CRISPLD1: variants seen among roughly 807,000 people sequenced by gnomAD.
CRISPLD1 encodes the protein cysteine rich secretory protein LCCL domain containing 1.
In CRISPLD1, 60 loss-of-function variants were observed where a neutral mutation model predicts 77.5. That is an observed-to-expected ratio of 0.77 (90% CI 0.63 to 0.96). The LOEUF is 0.96. CRISPLD1 is among the 40% of genes least tolerant of loss of function. CRISPLD1 has a pLI of 0.00. For missense variants in CRISPLD1, 623 were observed against 615.8 expected (o/e 1.01, Z -0.12); for synonymous variants, 195 against 200.1 (o/e 0.97, Z 0.22).
chr8:75,008,593 C>G (rs1428513566), intron 2 of CRISPLD1, among the ~76,000 whole-genome samples: 9 of 152,094 alleles, frequency 5.9e-5, no homozygotes, highest in Non-Finnish European at 1.2e-4. Flanking sequence ...TAGATAATTA[C>G]TTTTAGTCAC....
chr8:75,025,253 C>G (rs956945277), intron 12 of CRISPLD1, among the ~76,000 whole-genome samples: 3 of 152,090 alleles, frequency 2.0e-5, no homozygotes, highest in Non-Finnish European at 4.4e-5. Context: ...CATTGGGTAC[C>G]AACTTCTCAG....
At chr8:75,007,071 C>T (rs1396656809) in intron 2 of CRISPLD1, among the ~76,000 whole-genome samples, 1 of 152,072 alleles carries the variant, frequency 6.6e-6, no homozygotes, top group Non-Finnish European at 1.5e-5. Context: ...TCAGAAAATA[C>T]TCTCTTCAGA....
At chr8:75,029,102 A>G (rs1301436593) in intron 13 of CRISPLD1, among the ~76,000 whole-genome samples, 4 of 152,224 alleles carry the variant, frequency 2.6e-5, no homozygotes, top group Non-Finnish European at 4.4e-5. Context: ...TTGATACTCT[A>G]AAGCCTACTG....
intron 2 of CRISPLD1, chr8:75,000,413 A>G (rs1290036849): frequency 2.2e-5 from 22 of 985,260 alleles, no homozygotes; most frequent in Non-Finnish European, 2.7e-5. Flanking sequence ...TGAATAAGTG[A>G]GTACAACCTG....
At chr8:74,995,764 A>AT (rs145389416) in intron 2 of CRISPLD1, among the ~76,000 whole-genome samples, 5,091 of 152,184 alleles carry the variant, frequency 0.033, 97 homozygotes, top group East Asian at 0.094. Context: ...TCTTTGCATA[A>AT]TTTTTTTGCA....
Position 75,033,463 on chromosome 8 carries a change from T to G in CRISPLD1, c.*1221T>G, listed in dbSNP as rs1813389024. The G allele has an allele frequency of 6.6e-6, 1 of 151,978 alleles. No homozygotes were observed. The highest frequency in any genetic ancestry group is 2.1e-4 in the South Asian group (1 of 4,836). The allele number at this position is 151,978 out of a possible 1,614,324, so 9.4% of individuals were successfully genotyped here. ...AAATCGACCTGATTATTTAGGTATT[T>G]GTATGTGAAAGAGAAACACATATTT... On this transcript the variant is annotated 3_prime_UTR_variant, in exon 15 of 15. Coordinates refer to ENST00000262207, the MANE Select transcript of CRISPLD1 (RefSeq NM_031461.6).
intron 13 of CRISPLD1, among the ~76,000 whole-genome samples, chr8:75,029,161 C>G: frequency 6.6e-6 from 1 of 152,124 alleles, no homozygotes; most frequent in Non-Finnish European, 1.5e-5. Flanking sequence ...GGGGTCTTAC[C>G]GTTGCAGTCA....
At chr8:75,028,713 A>G (rs1208096190) in intron 13 of CRISPLD1, among the ~76,000 whole-genome samples, 1 of 152,206 alleles carries the variant, frequency 6.6e-6, no homozygotes, top group Non-Finnish European at 1.5e-5. Context: ...GTGCAATGTA[A>G]TCATAGGACT....
At position 75,017,223 on chromosome 8, in the gene CRISPLD1, GTTTA is replaced by G. The variant is rs1813048001; in HGVS notation, c.997-92_997-89del. ...AAGTATAGATATTTTGCTCAGAAAT[GTTTA>G]TTTAATTGAAAGTCACATAAGTGGT... is the stretch of plus-strand genomic sequence containing the variant. On this transcript the variant is annotated intron_variant, in intron 9 of 14. Coordinates refer to ENST00000262207, the MANE Select transcript of CRISPLD1 (RefSeq NM_031461.6). The G allele has an allele frequency of 9.7e-6, 15 of 1,542,442 alleles. No homozygotes were observed. The South Asian group carries it at 1.5e-4, about 15-fold the overall frequency.
chr8:75,030,534 G>A lies in CRISPLD1; in HGVS notation c.1451+1017G>A, dbSNP rs114609725. Among the ~76,000 whole-genome samples the A allele has an allele frequency of 4.3e-3, 653 of 152,106 alleles. 3 individuals carry two copies. Among genetic ancestry groups the A allele is most frequent in the African/African-American group, 0.014 (601 of 41,508 alleles). On this transcript the variant is annotated intron_variant, in intron 14 of 14. Transcript: ENST00000262207. Reference sequence around the variant, plus strand: ...TAGATTTATTTTAAAACTATAAAACGATAGGTGATATCCTAATAAAACAGT... The same window carrying A: ...TAGATTTATTTTAAAACTATAAAACAATAGGTGATATCCTAATAAAACAGT...
chr8:74,986,552 T>G (rs1306494004), intron 2 of CRISPLD1, among the ~76,000 whole-genome samples: 1 of 152,216 alleles, frequency 6.6e-6, no homozygotes, highest in Non-Finnish European at 1.5e-5. Context: ...TTAATTGACT[T>G]AGCTGAAAAT....
intron 14 of CRISPLD1, 138 bp downstream of exon 14, chr8:75,029,655 C>A: frequency 1.3e-6 from 1 of 772,152 alleles, no homozygotes. Context: ...CCTTTGCACA[C>A]TTGTGTACCA....
chr8:74,997,503 G>C (rs1180779718), intron 2 of CRISPLD1, among the ~76,000 whole-genome samples: 1 of 152,174 alleles, frequency 6.6e-6, no homozygotes, highest in Non-Finnish European at 1.5e-5. Context: ...GTTATGTTTA[G>C]TGGTCAGTTG....
intron 2 of CRISPLD1, among the ~76,000 whole-genome samples, chr8:74,987,289 C>G (rs1241873992): frequency 6.6e-6 from 1 of 152,112 alleles, no homozygotes; most frequent in Non-Finnish European, 1.5e-5. Flanking sequence ...AGAGACTAAT[C>G]AGGGATTAAG....
At chr8:75,013,125 TA>T (rs928283958) in intron 4 of CRISPLD1, 103 bp downstream of exon 4, 46 of 906,534 alleles carry the variant, frequency 5.1e-5, no homozygotes, top group Admixed American at 1.0e-4. Context: ...ATATGGTTAT[TA>T]AAAAAATTTA....
Position 75,025,528 on chromosome 8 carries a change from A to C in CRISPLD1, c.1245-18A>C. 1 of 1,226,772 alleles carries C rather than the reference A, an allele frequency of 8.2e-7. No homozygotes were observed. Among genetic ancestry groups the C allele is most frequent in the Non-Finnish European group, 1.1e-6 (1 of 870,864 alleles). The allele number at this position is 1,226,772 out of a possible 1,614,324, so 76.0% of individuals were successfully genotyped here. ...AACCAGCTTACTTAATATATATATA[A>C]TATATTATTTTTTTCAGAGTATACT... is the stretch of plus-strand genomic sequence containing the variant. On this transcript the variant is annotated intron_variant, in intron 12 of 14. Coordinates refer to ENST00000262207, the MANE Select transcript of CRISPLD1 (RefSeq NM_031461.6).
At chr8:75,017,825 T>G (rs987201295) in intron 10 of CRISPLD1, among the ~76,000 whole-genome samples, 1 of 152,198 alleles carries the variant, frequency 6.6e-6, no homozygotes, top group Non-Finnish European at 1.5e-5. Context: ...CATGCAACAG[T>G]AACTTTGTTG....
intron 10 of CRISPLD1, among the ~76,000 whole-genome samples, chr8:75,019,136 A>G (rs1312289642): frequency 6.6e-6 from 1 of 152,092 alleles, no homozygotes; most frequent in Non-Finnish European, 1.5e-5. Flanking sequence ...AAAGAATGTT[A>G]TTTCTTTTGG....
At chr8:75,022,288 A>C (rs1414745908) in intron 12 of CRISPLD1, among the ~76,000 whole-genome samples, 1 of 151,928 alleles carries the variant, frequency 6.6e-6, no homozygotes, top group African/African-American at 2.4e-5. Flanking sequence ...CTCCTGTGTA[A>C]AATTTGTAAT....
Sources: gnomAD v4.1 joint callset for allele counts (sites outside exome capture counted in the v4.1 genomes callset) on GRCh38, gnomAD v4.1.1 for gene constraint, MANE v1.5 for transcripts, NCBI Gene and HGNC (gene_info 2026-07-23, HGNC 2026-07-21) for gene names.